UTRN: variants seen among roughly 807,000 people sequenced by gnomAD.
UTRN encodes utrophin, also known as dystrophin-related protein 1.
In UTRN, 283 loss-of-function variants were observed where a neutral mutation model predicts 463.9. The ratio of observed to expected loss-of-function variants is 0.61; its 90% confidence interval spans 0.55 to 0.67. The LOEUF is 0.67. Among genes scored for constraint, UTRN ranks in the 30% least tolerant of loss-of-function variants. The pLI, the probability that UTRN is intolerant of heterozygous loss-of-function variation, is 0.00. For missense variants in UTRN, 3,922 were observed against 4,084.3 expected (o/e 0.96, Z 1.08); for synonymous variants, 1,442 against 1,431.5 (o/e 1.01, Z -0.17).
chr6:144,761,238 A>T (rs1484246434), intron 58 of UTRN, among the ~76,000 whole-genome samples: 2 of 152,178 alleles, frequency 1.3e-5, no homozygotes, highest in Non-Finnish European at 2.9e-5. Flanking sequence ...TAATATCTTA[A>T]GTTAAAATTA....
At chr6:144,743,529 T>G (rs892216935) in intron 54 of UTRN, among the ~76,000 whole-genome samples, 1 of 152,172 alleles carries the variant, frequency 6.6e-6, no homozygotes, top group Non-Finnish European at 1.5e-5. Context: ...AAATAAAATA[T>G]TTTTCTAGCA....
At chr6:144,734,881 A>G (rs1057072438) in intron 54 of UTRN, among the ~76,000 whole-genome samples, 23 of 152,274 alleles carry the variant, frequency 1.5e-4, no homozygotes, top group African/African-American at 5.3e-4. Context: ...AGGGGGTGCC[A>G]TGTTACATTT....
intron 2 of UTRN, among the ~76,000 whole-genome samples, chr6:144,347,850 G>GTTTTTTTTTTTTTTT (rs1340536493): frequency 4.7e-5 from 6 of 128,608 alleles, no homozygotes; most frequent in African/African-American, 2.0e-4. Context: ...TTTTTTTTTT[G>GTTTTTTTTTTTTTTT]TTTTTTTTTT....
chr6:144,759,288 T>A (rs548877623), intron 58 of UTRN, among the ~76,000 whole-genome samples: 1 of 152,258 alleles, frequency 6.6e-6, no homozygotes, highest in African/African-American at 2.4e-5. Flanking sequence ...TAAGTTGGCA[T>A]GTCTCTAGTG....
intron 54 of UTRN, among the ~76,000 whole-genome samples, chr6:144,731,714 CACTTA>C (rs1043970021): frequency 6.6e-6 from 1 of 152,148 alleles, no homozygotes; most frequent in African/African-American, 2.4e-5. Context: ...ACACACAGCA[CACTTA>C]ACTTGTCTAG....
At chr6:144,679,501 A>C (rs1327876467) in intron 52 of UTRN, among the ~76,000 whole-genome samples, 1 of 152,156 alleles carries the variant, frequency 6.6e-6, no homozygotes. Flanking sequence ...CTCTGACTTC[A>C]CTATTTACTC....
At chr6:144,308,416 G>T (rs184088199) in intron 2 of UTRN, among the ~76,000 whole-genome samples, 1,803 of 152,030 alleles carry the variant, frequency 0.012, 35 homozygotes, top group African/African-American at 0.041. Flanking sequence ...CCCACCCTCG[G>T]GTAGCTGGGG....
chr6:144,294,575 T>G (rs1416071635), intron 2 of UTRN, among the ~76,000 whole-genome samples: 1 of 152,056 alleles, frequency 6.6e-6, no homozygotes, highest in Non-Finnish European at 1.5e-5. Flanking sequence ...GATCCTCATC[T>G]GCTCTTCCAG....
chr6:144,800,369 G>C (rs1777598728), intron 64 of UTRN, among the ~76,000 whole-genome samples: 1 of 152,144 alleles, frequency 6.6e-6, no homozygotes, highest in Admixed American at 6.5e-5. Flanking sequence ...CAATTATAAA[G>C]GGTGAACAAC....
chr6:144,616,536 T>C (rs1408404533), intron 51 of UTRN, among the ~76,000 whole-genome samples: 1 of 84 alleles, frequency 0.012, no homozygotes. Flanking sequence ...GTCTGATAGT[T>C]TTTTTTTTTT....
chr6:144,381,815 T>A (rs974101678), intron 2 of UTRN, among the ~76,000 whole-genome samples: 1 of 152,210 alleles, frequency 6.6e-6, no homozygotes, highest in African/African-American at 2.4e-5. Context: ...TTTGGTAAAT[T>A]GCCCAGTCTT....
chr6:144,741,294 T>G (rs918714747), intron 54 of UTRN, among the ~76,000 whole-genome samples: 3 of 152,316 alleles, frequency 2.0e-5, no homozygotes, highest in Non-Finnish European at 4.4e-5. Flanking sequence ...TGTGTTTAGC[T>G]GGGAAGCAGC....
chr6:144,792,255 G>A (rs139347270), intron 62 of UTRN, among the ~76,000 whole-genome samples: 4 of 152,116 alleles, frequency 2.6e-5, no homozygotes, highest in East Asian at 1.9e-4. Flanking sequence ...CTTATAAAAA[G>A]AGAGAATGGA....
chr6:144,806,832 A>G (rs1302580512), intron 65 of UTRN, among the ~76,000 whole-genome samples: 2 of 102,272 alleles, frequency 2.0e-5, no homozygotes, highest in Non-Finnish European at 4.4e-5. Flanking sequence ...TAGATGTACT[A>G]TATTCTCAAT....
chr6:144,643,374 A>T (rs1019982316), intron 51 of UTRN, among the ~76,000 whole-genome samples: 1 of 152,258 alleles, frequency 6.6e-6, no homozygotes, highest in Non-Finnish European at 1.5e-5. Flanking sequence ...TTAAGGTTTA[A>T]AATATTACAT....
intron 51 of UTRN, among the ~76,000 whole-genome samples, chr6:144,599,131 C>G (rs557126636): frequency 6.6e-6 from 1 of 152,212 alleles, no homozygotes; most frequent in African/African-American, 2.4e-5. Context: ...CTGTGTAAAG[C>G]AGTAGAATGT....
At chr6:144,540,069 G>GT (rs1797861221) in intron 45 of UTRN, among the ~76,000 whole-genome samples, 1 of 149,778 alleles carries the variant, frequency 6.7e-6, no homozygotes, top group African/African-American at 2.5e-5. Context: ...AATAAATAAA[G>GT]AAAATAGCAT....
intron 60 of UTRN, among the ~76,000 whole-genome samples, chr6:144,777,780 TTAGGCATGGGGCAG>T (rs1401378426): frequency 6.6e-6 from 1 of 152,166 alleles, no homozygotes; most frequent in Non-Finnish European, 1.5e-5. Flanking sequence ...CACCTGGGAT[TTAGGCATGGGGCAG>T]TTAATTGGGG....
chr6:144,706,639 A>G (rs1180774883), intron 53 of UTRN: 1 of 152,176 alleles, frequency 6.6e-6, no homozygotes, highest in African/African-American at 2.4e-5. Flanking sequence ...ATACATTTCA[A>G]GTATGTCATC....
Sources: gnomAD v4.1 joint callset for allele counts (sites outside exome capture counted in the v4.1 genomes callset) on GRCh38, gnomAD v4.1.1 for gene constraint, MANE v1.5 for transcripts, NCBI Gene and HGNC (gene_info 2026-07-23, HGNC 2026-07-21) for gene names.